Variants in TMEM67 observed in about 807,000 individuals in gnomAD.
TMEM67 encodes transmembrane protein 67, also known as meckelin.
TMEM67 carries 124 observed loss-of-function variants against 136.6 expected under a neutral mutation model. The ratio of observed to expected loss-of-function variants is 0.91; its 90% CI spans 0.78 to 1.05. TMEM67 has a LOEUF of 1.05. Among genes scored for constraint, TMEM67 ranks in the 50% least tolerant of loss-of-function variants. TMEM67 has a pLI of 0.00. For synonymous variants in TMEM67, 364 were observed against 390.5 expected (o/e 0.93, Z 0.80); for missense variants, 1,107 against 1,178.4 (o/e 0.94, Z 0.89).
intron 26 of TMEM67, 129 bp downstream of exon 26, chr8:93,810,016 T>C (rs1198991811): frequency 1.8e-6 from 1 of 565,770 alleles, no homozygotes; most frequent in African/African-American, 1.9e-5. Flanking sequence ...TTGCCCAGGC[T>C]GGAGTGCAGT....
At chr8:93,811,539 A>AT (rs917424839) in intron 26 of TMEM67, among the ~76,000 whole-genome samples, 2 of 151,776 alleles carry the variant, frequency 1.3e-5, no homozygotes, top group Admixed American at 6.6e-5. Flanking sequence ...TCCAAAAAAA[A>AT]TTTTTTTTTA....
rs551062452 is a variant in TMEM67, at chr8:93,793,533, C to T, written c.1674+237C>T. On this transcript the variant is annotated intron_variant, in intron 16 of 27. Coordinates refer to ENST00000453321, the MANE Select transcript of TMEM67 (RefSeq NM_153704.6). ...TCTTCTTATTTCTGCACATACTTGGCAACACTTGATATTTTTCCAACCTTT... is the reference window on the plus strand; with the variant it reads ...TCTTCTTATTTCTGCACATACTTGGTAACACTTGATATTTTTCCAACCTTT... Among the ~76,000 whole-genome samples, 15 of 152,282 alleles carry T rather than the reference C, an allele frequency of 9.9e-5. No homozygotes were observed. In the South Asian group the frequency reaches 3.1e-3, roughly 32 times the overall value.
Position 93,765,469 on chromosome 8 carries a change from C to A in TMEM67, c.570C>A (p.Asn190Lys). The stretch of plus-strand genomic sequence containing the variant: ...GGTCCTGTGCATGTTCAGAACCTAA[C>A]ATTTTAGTAAGGCTAACCAAATTGA... ...TSRSCACSEPNILTGGLCFSS... is the reference protein window; with the variant it reads ...TSRSCACSEPKILTGGLCFSS... Residue 190 changes from asparagine (N) to lysine (K), a missense_variant, in exon 5 of 28, where the codon AAC (asparagine) becomes AAA (lysine). Physicochemically the swap from Asn to Lys is moderately conservative, Grantham distance 94. Transcript: ENST00000453321. The A allele has an allele frequency of 6.2e-7, 1 of 1,611,926 alleles. No individual in the cohort carries two copies. Among genetic ancestry groups the A allele is most frequent in the African/African-American group, 1.3e-5 (1 of 74,976 alleles).
At chr8:93,762,948 AGGGTCTCACTCTTGCCCAGGCTG>A (rs534138918) in intron 3 of TMEM67, 300 of 399,638 alleles carry the variant, frequency 7.5e-4, no homozygotes, top group Non-Finnish European at 8.6e-4. Context: ...TTTTTGAAAC[AGGGTCTCACTCTTGCCCAGGCTG>A]GAGTGTAGTG....
At chr8:93,810,535 A>G (rs1808661869) in intron 26 of TMEM67, among the ~76,000 whole-genome samples, 1 of 151,978 alleles carries the variant, frequency 6.6e-6, no homozygotes, top group African/African-American at 2.4e-5. Flanking sequence ...AGCTGGGATC[A>G]CTCCATTGCA....
Position 93,809,070 on chromosome 8 carries a change from C to G in TMEM67, c.2570C>G (p.Ala857Gly), listed in dbSNP as rs201393025. ...HETLIRKNGPARLLSSSASTF... is the reference protein window; with the variant it reads ...HETLIRKNGPGRLLSSSASTF... ...TTTTTACATTAGAAAAATGGTCCTGCTAGACTACTGAGTTCATCAGCAAGT... is the reference window on the plus strand; with the variant it reads ...TTTTTACATTAGAAAAATGGTCCTGGTAGACTACTGAGTTCATCAGCAAGT... The change falls in exon 25 of 28, where the codon GCT (alanine) becomes GGT (glycine). Residue 857 changes from alanine to glycine, a missense_variant. By Grantham distance (60) the Ala-to-Gly change is moderately conservative (BLOSUM62 0). This residue lies in a region of TMEM67 where 925 missense variants were observed against 1,002.4 expected (regional missense o/e 0.92). Transcript: ENST00000453321. The G allele has an allele frequency of 1.2e-6, 2 of 1,606,530 alleles. No homozygotes were observed. Among genetic ancestry groups the G allele is most frequent in the Non-Finnish European group, 1.7e-6 (2 of 1,173,666 alleles).
At chr8:93,783,841 T>C (rs978487986) in intron 11 of TMEM67, among the ~76,000 whole-genome samples, 8 of 152,208 alleles carry the variant, frequency 5.3e-5, no homozygotes, top group African/African-American at 1.9e-4. Context: ...TCACTCACTA[T>C]CATGAGAACA....
At chr8:93,768,779 C>T (rs1813195916) in intron 6 of TMEM67, among the ~76,000 whole-genome samples, 1 of 151,986 alleles carries the variant, frequency 6.6e-6, no homozygotes, top group African/African-American at 2.4e-5. Flanking sequence ...TGTGACCAAT[C>T]TTCCAACCCC....
At chr8:93,759,074 A>G (rs1424306794) in intron 3 of TMEM67, 2 of 152,504 alleles carry the variant, frequency 1.3e-5, no homozygotes, top group Non-Finnish European at 2.9e-5. Flanking sequence ...CTCAAAAGCC[A>G]ACTTGATACT....
Position 93,806,321 on chromosome 8 carries a change from A to G in TMEM67, c.2439+1443A>G, listed in dbSNP as rs555281648. 4.6e-5 allele frequency among the ~76,000 whole-genome samples: 7 copies of G among 152,332 alleles called. No homozygotes were observed. In the South Asian group the frequency reaches 1.4e-3, roughly 32 times the overall value. On this transcript the variant is annotated intron_variant, in intron 23 of 27. Coordinates refer to ENST00000453321, the MANE Select transcript of TMEM67 (RefSeq NM_153704.6). ...TTTTTAGTGGACTAAATGTTAAGGAATAACTAATTTTGTTAGGTATGAAAA... is the reference window on the plus strand; with the variant it reads ...TTTTTAGTGGACTAAATGTTAAGGAGTAACTAATTTTGTTAGGTATGAAAA...
Position 93,809,814 on chromosome 8 carries a change from A to T in TMEM67, c.2691A>T (p.Lys897Asn), listed in dbSNP as rs531026747. ...HVHKEMDYFI[K>N]DKLLLERILG... ...ATAAGGAAATGGATTACTTTATAAA[A>T]GATAAGTTGCTTCTTGAAAGAATTC... The change falls in exon 26 of 28, where the codon AAA (lysine) becomes AAT (asparagine). Residue 897 changes from lysine (K) to asparagine (N), a missense_variant. Lys to Asn is a moderately conservative substitution (Grantham distance 94, BLOSUM62 0). Coordinates refer to ENST00000453321, the MANE Select transcript of TMEM67 (RefSeq NM_153704.6). 1 of 1,603,180 alleles carries T rather than the reference A, an allele frequency of 6.2e-7. No homozygotes were observed. Among genetic ancestry groups the T allele is most frequent in the African/African-American group, 1.3e-5 (1 of 74,774 alleles).
chr8:93,821,490 C>T (rs573764689), downstream of TMEM67, among the ~76,000 whole-genome samples: 3 of 152,248 alleles, frequency 2.0e-5, no homozygotes, highest in African/African-American at 4.8e-5. Context: ...TTATGTTGCC[C>T]AGGCTGGACT....
Position 93,809,055 on chromosome 8 carries a change from A to G in TMEM67, c.2557-2A>G, listed in dbSNP as rs1009815651. 6.3e-7 allele frequency: 1 copy of G among 1,598,166 alleles called. No homozygotes were observed. The highest frequency in any genetic ancestry group is 8.6e-7 in the Non-Finnish European group (1 of 1,166,110). On this transcript the variant is annotated splice_acceptor_variant, in intron 24 of 27. Coordinates refer to ENST00000453321, the MANE Select transcript of TMEM67 (RefSeq NM_153704.6). LOFTEE classifies it high-confidence loss of function. ...TGTATTCATTTCTCTTTTTTACATT[A>G]GAAAAATGGTCCTGCTAGACTACTG...
intron 26 of TMEM67, among the ~76,000 whole-genome samples, chr8:93,810,639 C>T (rs1808664525): frequency 6.6e-6 from 1 of 152,046 alleles, no homozygotes; most frequent in Non-Finnish European, 1.5e-5. Flanking sequence ...CAGTTAACCT[C>T]ATGAATTCTT....
At chr8:93,803,372 A>G (rs1267414205) in intron 21 of TMEM67, among the ~76,000 whole-genome samples, 1 of 152,214 alleles carries the variant, frequency 6.6e-6, no homozygotes, top group African/African-American at 2.4e-5. Flanking sequence ...ATGACACACA[A>G]CAGTTTTCAG....
At chr8:93,793,463 C>T (rs990034658) in intron 16 of TMEM67, among the ~76,000 whole-genome samples, 167 bp downstream of exon 16, 1 of 152,170 alleles carries the variant, frequency 6.6e-6, no homozygotes, top group Non-Finnish European at 1.5e-5. Flanking sequence ...ACCTCATTTT[C>T]TTCCCACCAT....
chr8:93,758,108 G>A (rs1269910578), intron 2 of TMEM67, among the ~76,000 whole-genome samples: 1 of 152,162 alleles, frequency 6.6e-6, no homozygotes, highest in Non-Finnish European at 1.5e-5. Flanking sequence ...TTTTAGAACA[G>A]GTAAGATTAA....
chr8:93,822,841 A>G (rs777232544), downstream of TMEM67, among the ~76,000 whole-genome samples: 5 of 152,194 alleles, frequency 3.3e-5, no homozygotes, highest in Non-Finnish European at 5.9e-5. Flanking sequence ...TTAAGAACGA[A>G]TTATCTAATG....
At chr8:93,778,811 T>C (rs1196054122) in intron 7 of TMEM67, among the ~76,000 whole-genome samples, 1 of 152,194 alleles carries the variant, frequency 6.6e-6, no homozygotes, top group Non-Finnish European at 1.5e-5. Flanking sequence ...TTAACCTTGG[T>C]GAATCTGACA....
Sources: gnomAD v4.1 joint callset for allele counts (sites outside exome capture counted in the v4.1 genomes callset) on GRCh38, gnomAD v4.1.1 for gene constraint, gnomAD v4.1.1 regional missense constraint, MANE v1.5 for transcripts, NCBI Gene and HGNC (gene_info 2026-07-23, HGNC 2026-07-21) for gene names.